Variants in ZNF808 observed in about 807,000 individuals in gnomAD.
ZNF808 encodes the protein zinc finger protein 808.
Under a neutral mutation model 8.7 loss-of-function variants are expected in ZNF808, and 5 were observed. The observed-to-expected ratio is 0.58, with a 90% CI of 0.30 to 1.21. The LOEUF is 1.21. Ranked by LOEUF, ZNF808 falls within the 50% of genes most tolerant of loss-of-function variation. ZNF808 has a pLI of 0.07. For synonymous variants in ZNF808, 380 were observed against 366.0 expected, an observed-to-expected ratio of 1.04 and a Z score of -0.44; for missense variants, 1,103 against 1,098.4, an observed-to-expected ratio of 1.00 and a Z score of -0.06.
chr19:52,561,190 CTCTCTCTCTCTCTCTCTCTCTCTATA>C (rs1474809256), downstream of ZNF808, among the ~76,000 whole-genome samples: 177 of 69,146 alleles, frequency 2.6e-3, 3 homozygotes, highest in Middle Eastern at 8.1e-3. Flanking sequence ...CTCTCTCTCT[CTCTCTCTCTCTCTCTCTCTCTCTATA>C]TATATATATA....
rs536451382 is a variant in ZNF808, at chr19:52,550,062, A to C, written c.190+2424A>C. On this transcript the variant is annotated intron_variant, in intron 4 of 4. Coordinates refer to ENST00000359798, the MANE Select transcript of ZNF808 (RefSeq NM_001039886.4). Reference sequence around the variant, plus strand: ...ATTTTCTGGTCTGGTCATTTTCTGTACTGCCTGTGCTGACTATTGTGCCTA... The same window carrying C: ...ATTTTCTGGTCTGGTCATTTTCTGTCCTGCCTGTGCTGACTATTGTGCCTA... 1.9e-4 allele frequency among the ~76,000 whole-genome samples: 29 copies of C among 152,226 alleles called. No individual in the cohort carries two copies. The East Asian group carries it at 2.1e-3, about 11-fold the overall frequency.
downstream of ZNF808, among the ~76,000 whole-genome samples, chr19:52,558,512 T>C (rs1371404345): frequency 2.0e-5 from 3 of 151,998 alleles, no homozygotes; most frequent in East Asian, 1.9e-4. Context: ...GCTGGGACTA[T>C]AGGCGTGTGC....
chr19:52,539,704 C>G (rs1478543939), intron 2 of ZNF808, among the ~76,000 whole-genome samples: 1 of 151,516 alleles, frequency 6.6e-6, no homozygotes, highest in Non-Finnish European at 1.5e-5. Context: ...CAGGCACACA[C>G]CACCATGGCC....
chr19:52,552,977 G>A, intron 4 of ZNF808, 130 bp from the exon 5 acceptor site: 1 of 1,319,018 alleles, frequency 7.6e-7, no homozygotes, highest in Middle Eastern at 2.5e-4. Flanking sequence ...CTCTTTTTGT[G>A]TTCCTAAACT....
In ZNF808 at chr19:52,539,508, T is replaced by C. The variant is rs1216434142; in HGVS notation, c.-19-3758T>C. Among the ~76,000 whole-genome samples the C allele has an allele frequency of 2.0e-5, 3 of 151,264 alleles. No homozygotes were observed. The East Asian group carries it at 5.8e-4, about 29-fold the overall frequency. The stretch of plus-strand genomic sequence containing the variant: ...TTGGCCTCAGTAATTGTTTTTTATT[T>C]TTTAATTTTAGTTTTAATTTACTTA... On this transcript the variant is annotated intron_variant, in intron 2 of 4. Transcript: ENST00000359798.
At chr19:52,544,781 G>A (rs571307473) in intron 3 of ZNF808, among the ~76,000 whole-genome samples, 68 of 152,170 alleles carry the variant, frequency 4.5e-4, no homozygotes, top group African/African-American at 1.5e-3. Flanking sequence ...CAGCCAGCTT[G>A]GCTGGACTCT....
chr19:52,536,235 C>A (rs2059609677), intron 2 of ZNF808, among the ~76,000 whole-genome samples: 1 of 152,184 alleles, frequency 6.6e-6, no homozygotes, highest in African/African-American at 2.4e-5. Flanking sequence ...GGAGGCTGGT[C>A]CCAACCCCGG....
intron 3 of ZNF808, 60 bp from the exon 4 acceptor site, chr19:52,547,452 C>A (rs1177327294): frequency 6.2e-7 from 1 of 1,608,604 alleles, no homozygotes; most frequent in African/African-American, 1.3e-5. Context: ...TTCTCATTTC[C>A]TGTGAAGGTG....
chr19:52,541,585 C>A (rs521703), intron 2 of ZNF808, among the ~76,000 whole-genome samples: 4 of 151,730 alleles, frequency 2.6e-5, no homozygotes, highest in African/African-American at 9.7e-5. Flanking sequence ...TGACACTGAC[C>A]CCTGAAATGA....
chr19:52,544,200 T>G (rs1458882529), intron 3 of ZNF808, among the ~76,000 whole-genome samples: 2 of 152,068 alleles, frequency 1.3e-5, no homozygotes, highest in African/African-American at 4.8e-5. Flanking sequence ...CTCTGTGGCT[T>G]AGTTCTGGAG....
chr19:52,539,545 GTGGTTTTTTTTTTTTTT>G (rs1275920435), intron 2 of ZNF808, among the ~76,000 whole-genome samples: 1 of 84,238 alleles, frequency 1.2e-5, no homozygotes, highest in Middle Eastern at 7.1e-3. Context: ...TTTTGTTGTG[GTGGTTTTTTTTTTTTTT>G]TTTTTTTTTT....
At chr19:52,564,034 T>C in exon 4 of ZNF808, 1 of 557,020 alleles carries the variant, frequency 1.8e-6, no homozygotes, top group East Asian at 4.2e-5. Context: ...CCTCTCCTCC[T>C]TTGTCTGCCA....
rs746575487 is a variant in ZNF808 at position 52,547,539 on chromosome 19, A to G, written c.91A>G (p.Ile31Val). The G allele has an allele frequency of 9.9e-6, 16 of 1,614,032 alleles. 1 individual carries two copies. In the South Asian group the frequency reaches 1.4e-4, roughly 14 times the overall value. ...QGRLTFRDVA[I>V]EFSLAEWKFL... ...ACGCTTGACTTTCAGGGATGTGGCT[A>G]TAGAATTCTCATTGGCAGAGTGGAA... Residue 31 changes from isoleucine (I) to valine (V), a missense_variant, in exon 4 of 5, where the codon ATA becomes GTA. Coordinates refer to ENST00000359798, the MANE Select transcript of ZNF808 (RefSeq NM_001039886.4).
chr19:52,541,353 G>T (rs745399312), intron 2 of ZNF808, among the ~76,000 whole-genome samples: 9 of 151,784 alleles, frequency 5.9e-5, no homozygotes, highest in Non-Finnish European at 1.2e-4. Flanking sequence ...GTATTACAAG[G>T]GTGAGTCACC....
intron 2 of ZNF808, among the ~76,000 whole-genome samples, chr19:52,535,446 A>G (rs1215112507): frequency 1.3e-5 from 2 of 151,158 alleles, no homozygotes; most frequent in Non-Finnish European, 2.9e-5. Context: ...CTGGACCCCC[A>G]GGTTCAGCGA....
At chr19:52,558,017 C>CTTTTTTTTTTTTTT (rs66789100), downstream of ZNF808, among the ~76,000 whole-genome samples, 3 of 46,384 alleles carry the variant, frequency 6.5e-5, no homozygotes, top group African/African-American at 2.5e-4. Context: ...CTAGGTGTGG[C>CTTTTTTTTTTTTTT]TTTTTTTTTT....
At chr19:52,561,163 TCTCTC>T (rs2059855309), downstream of ZNF808, among the ~76,000 whole-genome samples, 453 of 66,982 alleles carry the variant, frequency 6.8e-3, 19 homozygotes, top group African/African-American at 0.013. Context: ...ATCTGTTCTC[TCTCTC>T]TCTCTCTCTC....
chr19:52,562,991 GTC>G (rs1471874916), intron 3 of ZNF808, among the ~76,000 whole-genome samples: 2 of 151,894 alleles, frequency 1.3e-5, no homozygotes, highest in Non-Finnish European at 2.9e-5. Flanking sequence ...GGCCAGGCTG[GTC>G]TCCAACTCCT....
At chr19:52,566,756 C>T (rs184829361), downstream of ZNF808, among the ~76,000 whole-genome samples, 5 of 152,224 alleles carry the variant, frequency 3.3e-5, no homozygotes, top group Admixed American at 2.0e-4. Context: ...AAACTAGCAA[C>T]ATACATTCCT....
Sources: gnomAD v4.1 joint callset for allele counts (sites outside exome capture counted in the v4.1 genomes callset) on GRCh38, gnomAD v4.1.1 for gene constraint, MANE v1.5 for transcripts, NCBI Gene and HGNC (gene_info 2026-07-23, HGNC 2026-07-21) for gene names.